TENM3: variants seen among roughly 807,000 people sequenced by gnomAD.
TENM3 encodes teneurin-3.
In TENM3, 63 loss-of-function variants were observed where a neutral mutation model predicts 255.1. The observed-to-expected ratio is 0.25, with a 90% CI of 0.20 to 0.30. The LOEUF is 0.30. Ranked by LOEUF, TENM3 falls within the 10% of genes least tolerant of loss-of-function variation. TENM3 has a pLI of 1.00. For synonymous variants in TENM3, 1,306 were observed against 1,322.3 expected (o/e 0.99, Z 0.27); for missense variants, 2,929 against 3,461.1 (o/e 0.85, Z 3.86).
At chr4:182,128,499 G>A in the TENM3 span, among the ~76,000 whole-genome samples, 40 of 152,148 alleles carry the variant, frequency 2.6e-4, no homozygotes, top group African/African-American at 8.7e-4. Context: ...AGCCACCAGC[G>A]CCTGGCCTGT....
chr4:181,609,662 G>A, the TENM3 span, among the ~76,000 whole-genome samples: 1 of 152,192 alleles, frequency 6.6e-6, no homozygotes, highest in South Asian at 2.1e-4. Flanking sequence ...GCCACATCAG[G>A]TGAGAAAAAG....
At chr4:182,719,020 A>G (rs1579223317) in intron 13 of TENM3, among the ~76,000 whole-genome samples, 1 of 152,110 alleles carries the variant, frequency 6.6e-6, no homozygotes, top group South Asian at 2.1e-4. Context: ...AGGGAGATCT[A>G]GTCAGTTCCC....
intron 2 of TENM3, among the ~76,000 whole-genome samples, chr4:182,342,076 G>A (rs570558732): frequency 9.2e-5 from 14 of 152,272 alleles, no homozygotes; most frequent in Non-Finnish European, 1.9e-4. Context: ...AAAACAGTCC[G>A]GCAGTGCCTC....
At chr4:182,278,976 G>T (rs1052409057) in intron 1 of TENM3, among the ~76,000 whole-genome samples, 1 of 152,204 alleles carries the variant, frequency 6.6e-6, no homozygotes, top group Non-Finnish European at 1.5e-5. Flanking sequence ...TGGAGGCTGC[G>T]CTTGAAGACA....
chr4:181,461,233 C>G, the TENM3 span, among the ~76,000 whole-genome samples: 3 of 152,016 alleles, frequency 2.0e-5, no homozygotes, highest in Admixed American at 2.0e-4. Flanking sequence ...GCTGCTGTCG[C>G]AAAGTCTATT....
intron 22 of TENM3, among the ~76,000 whole-genome samples, chr4:182,765,596 T>G (rs1763646106): frequency 6.6e-6 from 1 of 152,170 alleles, no homozygotes. Context: ...TATTCTCTCA[T>G]CTTAGGCTTT....
At chr4:181,967,977 A>G in the TENM3 span, among the ~76,000 whole-genome samples, 1 of 152,106 alleles carries the variant, frequency 6.6e-6, no homozygotes, top group Non-Finnish European at 1.5e-5. Context: ...GGGAGTGTGC[A>G]TCGCCCTCAC....
At chr4:181,683,458 A>C in the TENM3 span, among the ~76,000 whole-genome samples, 1 of 152,142 alleles carries the variant, frequency 6.6e-6, no homozygotes, top group Non-Finnish European at 1.5e-5. Context: ...AGTTTATTGA[A>C]ACAAAGATTG....
At chr4:182,372,176 T>C (rs1766866998) in intron 3 of TENM3, among the ~76,000 whole-genome samples, 1 of 152,222 alleles carries the variant, frequency 6.6e-6, no homozygotes, top group Non-Finnish European at 1.5e-5. Flanking sequence ...GCCTACTTTT[T>C]TTCCTAGCAG....
chr4:182,716,095 G>A (rs1759138370), intron 13 of TENM3, among the ~76,000 whole-genome samples: 3 of 152,114 alleles, frequency 2.0e-5, no homozygotes, highest in Admixed American at 2.0e-4. Flanking sequence ...AGTACAGATG[G>A]CTCCTCTCTT....
the TENM3 span, among the ~76,000 whole-genome samples, chr4:182,008,125 A>T: frequency 6.6e-6 from 1 of 152,086 alleles, no homozygotes; most frequent in Admixed American, 6.5e-5. Flanking sequence ...TTTGTAAGTG[A>T]CCTGGCCTTT....
At position 182,610,288 on chromosome 4, in the gene TENM3, A is replaced by G. The variant is rs191725660; in HGVS notation, c.749+9127A>G. ...TGCAGGAAATATTGGTTAGTCTTAC[A>G]GTGTACCAGTATGAAAAACTCAAGA... is the stretch of plus-strand genomic sequence containing the variant. On this transcript the variant is annotated intron_variant, in intron 4 of 27. Coordinates refer to ENST00000511685, the MANE Select transcript of TENM3 (RefSeq NM_001080477.4). 2.2e-3 allele frequency among the ~76,000 whole-genome samples: 336 copies of G among 152,290 alleles called. 3 individuals are homozygous for G. The highest frequency in any genetic ancestry group is 7.8e-3 in the African/African-American group (325 of 41,578).
chr4:181,939,148 A>T, the TENM3 span, among the ~76,000 whole-genome samples: 1 of 152,230 alleles, frequency 6.6e-6, no homozygotes, highest in Non-Finnish European at 1.5e-5. Flanking sequence ...GTATAAAAGA[A>T]AATTTGTTTC....
chr4:181,691,473 A>C, the TENM3 span, among the ~76,000 whole-genome samples: 1 of 152,118 alleles, frequency 6.6e-6, no homozygotes, highest in Non-Finnish European at 1.5e-5. Context: ...ACATCTTATA[A>C]AAGTAAGTGT....
rs1010837352 is a variant in TENM3 at position 182,801,138 on chromosome 4, AT to A, written c.*794del. The stretch of plus-strand genomic sequence containing the variant: ...AAATGATAAAAACGTGAACTGTGTG[AT>A]TTTTTTAAAAGGATTGCACCTTTTG... On this transcript the variant is annotated 3_prime_UTR_variant, in exon 28 of 28. Coordinates refer to ENST00000511685, the MANE Select transcript of TENM3 (RefSeq NM_001080477.4). The A allele has an allele frequency of 1.3e-5, 2 of 152,354 alleles. No individual in the cohort carries two copies. The highest frequency in any genetic ancestry group is 6.5e-5 in the Admixed American group (1 of 15,278). The allele number at this position is 152,354 out of a possible 1,614,324, so 9.4% of individuals were successfully genotyped here. A position where few individuals can be genotyped will look rare whatever the true frequency, so the allele number is the denominator to read the frequency against.
intron 12 of TENM3, among the ~76,000 whole-genome samples, chr4:182,692,294 A>G (rs1028687825): frequency 5.3e-5 from 8 of 152,270 alleles, no homozygotes; most frequent in African/African-American, 1.7e-4. Context: ...GGCAGAGTCA[A>G]TCACTTTTAA....
chr4:182,241,184 T>G (rs969492632), upstream of TENM3, among the ~76,000 whole-genome samples: 1 of 152,214 alleles, frequency 6.6e-6, no homozygotes, highest in African/African-American at 2.4e-5. Context: ...TGGTTTACCA[T>G]TGGCTTCCCA....
chr4:181,841,169 TTGTC>T, the TENM3 span, among the ~76,000 whole-genome samples: 28 of 152,252 alleles, frequency 1.8e-4, no homozygotes, highest in African/African-American at 6.7e-4. Context: ...TTGAATATCT[TTGTC>T]TGTAAAATTA....
the TENM3 span, among the ~76,000 whole-genome samples, chr4:182,072,825 G>A: frequency 3.3e-5 from 5 of 152,222 alleles, no homozygotes; most frequent in South Asian, 2.1e-4. Flanking sequence ...GATAGGTGCC[G>A]TGGACTGAGT....
Sources: allele counts gnomAD v4.1 joint callset (sites outside exome capture counted in the v4.1 genomes callset), GRCh38; gene constraint gnomAD v4.1.1; transcripts MANE v1.5; gene names NCBI Gene and HGNC (gene_info 2026-07-23, HGNC 2026-07-21).